The following LRRC4C variants were observed in gnomAD, a reference collection of about 807,000 sequenced individuals.
LRRC4C encodes the protein leucine rich repeat containing 4C, also known as leucine-rich repeat-containing protein 4C.
Under a neutral mutation model 33.6 loss-of-function variants are expected in LRRC4C, and 5 were observed. That is an observed-to-expected ratio of 0.15 (90% CI 0.08 to 0.31). LRRC4C has a LOEUF of 0.31. LRRC4C is among the 10% of genes least tolerant of loss of function. The probability of loss-of-function intolerance (pLI) is 1.00; values close to 1 mark genes in which losing one functional copy is unlikely to be tolerated. For missense variants in LRRC4C, 560 were observed against 796.7 expected, an observed-to-expected ratio of 0.70 and a Z score of 3.58; for synonymous variants, 329 against 302.0, an observed-to-expected ratio of 1.09 and a Z score of -0.93.
intron 2 of LRRC4C, among the ~76,000 whole-genome samples, chr11:40,679,451 C>A (rs1337903166): frequency 6.6e-6 from 1 of 152,114 alleles, no homozygotes; most frequent in Non-Finnish European, 1.5e-5. Context: ...ATGTCAGAGA[C>A]CTTTGCAGCA....
intron 3 of LRRC4C, among the ~76,000 whole-genome samples, chr11:40,593,404 A>G (rs973192815): frequency 2.6e-5 from 4 of 152,212 alleles, no homozygotes; most frequent in Non-Finnish European, 5.9e-5. Flanking sequence ...TTATATATGT[A>G]TTAAGATACA....
chr11:40,857,783 C>T (rs928403079), intron 2 of LRRC4C, among the ~76,000 whole-genome samples: 2 of 151,972 alleles, frequency 1.3e-5, no homozygotes. Context: ...GGCATGGTGG[C>T]ATGCACCTGT....
chr11:41,015,005 T>G (rs896075511), intron 1 of LRRC4C, among the ~76,000 whole-genome samples: 1 of 152,142 alleles, frequency 6.6e-6, no homozygotes, highest in Non-Finnish European at 1.5e-5. Flanking sequence ...TTTAGTAAAG[T>G]GAAGAAATTT....
intron 2 of LRRC4C, among the ~76,000 whole-genome samples, chr11:40,793,900 T>C (rs1354100729): frequency 6.6e-6 from 1 of 152,178 alleles, no homozygotes; most frequent in African/African-American, 2.4e-5. Flanking sequence ...TTAAAAATAC[T>C]CTTACTAGCT....
At chr11:40,239,588 C>T (rs1390987847) in intron 5 of LRRC4C, among the ~76,000 whole-genome samples, 1 of 152,128 alleles carries the variant, frequency 6.6e-6, no homozygotes, top group East Asian at 1.9e-4. Flanking sequence ...TTAGATAAGG[C>T]CTTGTAAAGA....
chr11:40,819,781 G>T (rs982727171), intron 2 of LRRC4C, among the ~76,000 whole-genome samples: 5 of 151,910 alleles, frequency 3.3e-5, no homozygotes, highest in Admixed American at 2.6e-4. Flanking sequence ...AAACTGAAGG[G>T]TTACTGTTCT....
At chr11:41,117,688 A>C (rs537601550) in intron 1 of LRRC4C, among the ~76,000 whole-genome samples, 2 of 152,148 alleles carry the variant, frequency 1.3e-5, no homozygotes, top group Non-Finnish European at 2.9e-5. Context: ...GACATTATTA[A>C]ATCAGTAAAA....
intron 2 of LRRC4C, among the ~76,000 whole-genome samples, chr11:40,927,128 C>A (rs539313405): frequency 6.6e-6 from 1 of 152,124 alleles, no homozygotes; most frequent in Non-Finnish European, 1.5e-5. Flanking sequence ...GTAATCCCAG[C>A]ACTTTGGGAG....
chr11:40,342,240 G>A (rs2137017621), intron 3 of LRRC4C, among the ~76,000 whole-genome samples: 1 of 152,292 alleles, frequency 6.6e-6, no homozygotes, highest in Non-Finnish European at 1.5e-5. Context: ...GGAGGCTGAG[G>A]TGGGTGGATC....
intron 1 of LRRC4C, among the ~76,000 whole-genome samples, chr11:40,951,049 G>A (rs1958670487): frequency 1.3e-5 from 2 of 151,644 alleles, no homozygotes; most frequent in South Asian, 4.1e-4. Context: ...CTTCCCATAA[G>A]GTGAAATATG....
At chr11:41,047,479 G>A (rs1857854703) in intron 1 of LRRC4C, among the ~76,000 whole-genome samples, 1 of 152,058 alleles carries the variant, frequency 6.6e-6, no homozygotes, top group South Asian at 2.1e-4. Flanking sequence ...ATTAGATAAT[G>A]GTGATAGTTG....
intron 1 of LRRC4C, among the ~76,000 whole-genome samples, chr11:41,035,592 G>A (rs1372630126): frequency 6.6e-6 from 1 of 152,164 alleles, no homozygotes; most frequent in Non-Finnish European, 1.5e-5. Flanking sequence ...TATTTTAAAT[G>A]TGGACTCTGG....
chr11:40,127,351 C>T (rs188254995), intron 6 of LRRC4C, among the ~76,000 whole-genome samples: 15 of 151,800 alleles, frequency 9.9e-5, no homozygotes, highest in African/African-American at 2.9e-4. Flanking sequence ...GGCATGGAGG[C>T]GGGGCAGTGT....
At chr11:40,867,516 A>G (rs1046443502) in intron 2 of LRRC4C, among the ~76,000 whole-genome samples, 9 of 152,202 alleles carry the variant, frequency 5.9e-5, no homozygotes, top group African/African-American at 1.9e-4. Context: ...TTTTTTGTAT[A>G]GTAGTCTAGA....
rs539150971 is a variant in LRRC4C at position 40,150,826 on chromosome 11, G to A, written c.-95-9973C>T. On this transcript the variant is annotated intron_variant, in intron 5 of 6. Transcript: ENST00000528697. ...TAGATCAGTGATACATGAGAGAGATGGTTTGATCTTTGGTAGCAGTAGAAA... is the reference window on the plus strand; with the variant it reads ...TAGATCAGTGATACATGAGAGAGATAGTTTGATCTTTGGTAGCAGTAGAAA... 7.9e-5 allele frequency among the ~76,000 whole-genome samples: 12 copies of A among 152,216 alleles called. No homozygotes were observed. The South Asian group carries it at 2.5e-3, about 32-fold the overall frequency.
chr11:40,652,641 G>A lies in LRRC4C; in HGVS notation c.-406-4363C>T, dbSNP rs1495322. 4.3e-3 allele frequency among the ~76,000 whole-genome samples: 654 copies of A among 152,312 alleles called. 6 individuals carry two copies. The highest frequency in any genetic ancestry group is 0.015 in the African/African-American group (624 of 41,582). ...ACAGAGTAGCTCCCTAAAATCTCAC[G>A]TCCAGCTAGGAGCAGGGCTGGATGC... On this transcript the variant is annotated intron_variant, in intron 2 of 6. Coordinates refer to ENST00000528697, the MANE Select transcript of LRRC4C (RefSeq NM_001258419.2).
chr11:41,050,197 T>G (rs1440500474), intron 1 of LRRC4C, among the ~76,000 whole-genome samples: 1 of 152,184 alleles, frequency 6.6e-6, no homozygotes, highest in African/African-American at 2.4e-5. Flanking sequence ...AATAGTTCTG[T>G]GGCCATGAAA....
chr11:40,177,665 T>C (rs141745194), intron 5 of LRRC4C, among the ~76,000 whole-genome samples: 2,087 of 152,328 alleles, frequency 0.014, 51 homozygotes, highest in African/African-American at 0.047. Flanking sequence ...TTCAAAATTT[T>C]ATACTTTATC....
intron 1 of LRRC4C, among the ~76,000 whole-genome samples, chr11:41,049,465 C>T (rs1044130052): frequency 6.6e-6 from 1 of 152,022 alleles, no homozygotes; most frequent in Non-Finnish European, 1.5e-5. Flanking sequence ...TTGTGAGAAA[C>T]CCAGAGTAAA....
Sources: allele counts gnomAD v4.1 joint callset (sites outside exome capture counted in the v4.1 genomes callset), GRCh38; gene constraint gnomAD v4.1.1; transcripts MANE v1.5; gene names NCBI Gene and HGNC (gene_info 2026-07-23, HGNC 2026-07-21).